The following CAPN5 variants were observed in gnomAD, a reference collection of about 807,000 sequenced individuals.
CAPN5 encodes the protein calpain-5.
In CAPN5, 54 loss-of-function variants were observed where a neutral mutation model predicts 73.0. The ratio of observed to expected loss-of-function variants is 0.74; its 90% CI spans 0.59 to 0.93. CAPN5 has a LOEUF of 0.93. CAPN5 is among the 40% of genes least tolerant of loss of function. The pLI is 0.00. For synonymous variants in CAPN5, 335 were observed against 356.9 expected (o/e 0.94, Z 0.69); for missense variants, 785 against 882.9 (o/e 0.89, Z 1.41).
At chr11:77,087,325 C>A (rs1040391517) in intron 2 of CAPN5, among the ~76,000 whole-genome samples, 1 of 152,218 alleles carries the variant, frequency 6.6e-6, no homozygotes, top group Admixed American at 6.5e-5. Context: ...TCATTAACGC[C>A]CAGCTGCTTG....
rs782696665 is a variant in CAPN5 at position 77,114,335 on chromosome 11, C to T, written c.600C>T (p.Thr200=). 18 of 1,614,170 alleles carry T rather than the reference C, an allele frequency of 1.1e-5. No individual in the cohort carries two copies. Among genetic ancestry groups the T allele is most frequent in the Admixed American group, 5.0e-5 (3 of 60,024 alleles). ...TGGVSEPIDL[T]EGDFANDETK... ...GTGTTTCTGAGCCCATCGACCTGAC[C>T]GAGGGTGACTTTGCCAACGATGAGA... Residue 200 remains threonine, a synonymous_variant, in exon 5 of 13, where the codon ACC becomes ACT. Transcript: ENST00000648180.
chr11:77,103,379 C>T, intron 3 of CAPN5: 1 of 1,554,558 alleles, frequency 6.4e-7, no homozygotes, highest in African/African-American at 1.4e-5. Flanking sequence ...GTGCTCTCCC[C>T]TGCCCCTGCC....
intron 3 of CAPN5, among the ~76,000 whole-genome samples, chr11:77,098,934 G>T (rs1301941519): frequency 9.1e-4 from 82 of 90,536 alleles, no homozygotes; most frequent in East Asian, 3.6e-4. Context: ...CTTCTCAGAC[G>T]GGGCGGCTGC....
At chr11:77,086,965 C>T (rs1287394747) in intron 2 of CAPN5, among the ~76,000 whole-genome samples, 2 of 152,244 alleles carry the variant, frequency 1.3e-5, no homozygotes, top group South Asian at 2.1e-4. Context: ...CTCCTCCTCT[C>T]GTTGCCTTCC....
Position 77,084,249 on chromosome 11 carries a change from G to A in CAPN5, c.-35-603G>A, listed in dbSNP as rs1950058155. ...AGGGTGCTTGGCTGGGCCCACCTGG[G>A]CCCCTGGGGAATGGAGGGAGGGTTA... On this transcript the variant is annotated intron_variant, in intron 1 of 12. Transcript: ENST00000648180. Among the ~76,000 whole-genome samples the A allele has an allele frequency of 2.6e-5, 4 of 152,214 alleles. No individual in the cohort carries two copies. In the South Asian group the frequency reaches 8.3e-4, roughly 32 times the overall value.
intron 3 of CAPN5, among the ~76,000 whole-genome samples, chr11:77,105,919 C>T (rs1007523877): frequency 3.3e-4 from 51 of 152,278 alleles, no homozygotes; most frequent in Non-Finnish European, 8.8e-5. Flanking sequence ...TCACAGAGGG[C>T]GTGGAGGGGC....
intron 3 of CAPN5, among the ~76,000 whole-genome samples, chr11:77,106,258 G>A (rs1353037309): frequency 4.9e-5 from 2 of 40,658 alleles, no homozygotes; most frequent in African/African-American, 1.0e-4. Context: ...CCCCAGCCCC[G>A]CACCCAACCC....
chr11:77,072,846 G>A (rs1949923369), intron 1 of CAPN5: 3 of 307,690 alleles, frequency 9.8e-6, no homozygotes, highest in Non-Finnish European at 2.0e-5. Context: ...AAACCCGCCA[G>A]ATTGAAAAAT....
In CAPN5 at chr11:77,089,324, A is replaced by G. The variant is rs182469028; in HGVS notation, c.165+4273A>G. Among the ~76,000 whole-genome samples the G allele has an allele frequency of 9.1e-3, 1,392 of 152,276 alleles. 20 individuals are homozygous for G. The highest frequency in any genetic ancestry group is 0.032 in the African/African-American group (1,312 of 41,560). ...TCTCCATGCCTGCTCTGCCAGCATC[A>G]CTGCCTCCAGGCAGCCTCCTCTGTT... On this transcript the variant is annotated intron_variant, in intron 2 of 12. Coordinates refer to ENST00000648180, the MANE Select transcript of CAPN5 (RefSeq NM_004055.5).
intron 12 of CAPN5, among the ~76,000 whole-genome samples, chr11:77,123,187 A>G (rs1950541104): frequency 6.6e-6 from 1 of 152,148 alleles, no homozygotes; most frequent in South Asian, 2.1e-4. Flanking sequence ...AATACTAGGG[A>G]GCTCTCTGGC....
At chr11:77,086,186 T>C (rs1950084578) in intron 2 of CAPN5, among the ~76,000 whole-genome samples, 1 of 152,194 alleles carries the variant, frequency 6.6e-6, no homozygotes, top group South Asian at 2.1e-4. Flanking sequence ...TTCAGCAGCC[T>C]GTAACAGGGT....
In CAPN5 at chr11:77,125,614, C is replaced by CTATATATATATATATATATATATATA. The variant is rs10543158; in HGVS notation, c.*1745_*1770dup. 5 of 140,690 alleles carry CTATATATATATATATATATATATATA rather than the reference C, an allele frequency of 3.6e-5. No homozygotes were observed. The highest frequency in any genetic ancestry group is 1.3e-4 in the African/African-American group (5 of 38,334). The allele number at this position is 140,690 out of a possible 1,614,324, so 8.7% of individuals were successfully genotyped here. A position where few individuals can be genotyped will look rare whatever the true frequency, so the allele number is the denominator to read the frequency against. Reference sequence around the variant, plus strand: ...CTATGTATCTCTGTATGCACACGCACTATATATATATATATATATATATAT... The same window carrying CTATATATATATATATATATATATATA: ...CTATGTATCTCTGTATGCACACGCACTATATATATATATATATATATATATATATATATATATATATATATATATAT... On this transcript the variant is annotated 3_prime_UTR_variant, in exon 13 of 13. Transcript: ENST00000648180.
At chr11:77,080,811 G>T (rs1950019866) in intron 1 of CAPN5, among the ~76,000 whole-genome samples, 1 of 152,218 alleles carries the variant, frequency 6.6e-6, no homozygotes, top group South Asian at 2.1e-4. Flanking sequence ...CTTGCTGATT[G>T]ACAGCAGCTC....
At chr11:77,102,395 C>G (rs1292722999) in intron 3 of CAPN5, among the ~76,000 whole-genome samples, 1 of 152,176 alleles carries the variant, frequency 6.6e-6, no homozygotes, top group African/African-American at 2.4e-5. Context: ...CCTGCCTTCT[C>G]CACCTGCTCC....
chr11:77,116,443 A>G, intron 7 of CAPN5, 140 bp downstream of exon 7: 1 of 695,152 alleles, frequency 1.4e-6, no homozygotes, highest in Admixed American at 2.1e-5. Flanking sequence ...TGGACAAGTC[A>G]CACCATCTCA....
Position 77,120,883 on chromosome 11 carries a change from C to A in CAPN5, c.1461C>A (p.Val487=). Residue 487 remains valine, a synonymous_variant, in exon 10 of 13, where the codon GTC becomes GTA. Transcript: ENST00000648180. Reference sequence around the variant, plus strand: ...ACACTGGCGAGTTCCTGCTCCGAGTCTTCACTGATGTGCCCTCCAACTGCC... The same window carrying A: ...ACACTGGCGAGTTCCTGCTCCGAGTATTCACTGATGTGCCCTCCAACTGCC... The part of the protein sequence containing the change: ...PGHTGEFLLR[V]FTDVPSNCRE... 6.2e-7 allele frequency: 1 copy of A among 1,613,988 alleles called. No individual in the cohort carries two copies. The highest frequency in any genetic ancestry group is 1.1e-5 in the South Asian group (1 of 91,044).
intron 3 of CAPN5, among the ~76,000 whole-genome samples, chr11:77,109,723 T>C (rs1465481308): frequency 6.6e-6 from 1 of 152,172 alleles, no homozygotes; most frequent in Non-Finnish European, 1.5e-5. Flanking sequence ...GAAGGCTGGC[T>C]TGGGGCCCAC....
chr11:77,109,024 C>T (rs981803064), intron 3 of CAPN5, among the ~76,000 whole-genome samples: 1 of 152,226 alleles, frequency 6.6e-6, no homozygotes, highest in South Asian at 2.1e-4. Flanking sequence ...GACATGTTCT[C>T]TGTCCCCTGC....
intron 3 of CAPN5, among the ~76,000 whole-genome samples, chr11:77,098,809 G>A (rs1950247213): frequency 7.7e-6 from 1 of 130,200 alleles, no homozygotes; most frequent in South Asian, 2.6e-4. Context: ...CGGATGGGGC[G>A]GCTGGCCGGG....
Sources: gnomAD v4.1 joint callset for allele counts (sites outside exome capture counted in the v4.1 genomes callset) on GRCh38, gnomAD v4.1.1 for gene constraint, MANE v1.5 for transcripts, NCBI Gene and HGNC (gene_info 2026-07-23, HGNC 2026-07-21) for gene names.